GRID2: variants seen among roughly 807,000 people sequenced by gnomAD.
GRID2 encodes glutamate receptor ionotropic, delta-2.
In GRID2, 33 loss-of-function variants were observed where a neutral mutation model predicts 114.8. That is an observed-to-expected ratio of 0.29 (90% CI 0.22 to 0.38). The LOEUF is 0.38. GRID2 is among the 10% of genes least tolerant of loss of function. The probability of loss-of-function intolerance (pLI) is 1.00; values close to 1 mark genes in which losing one functional copy is unlikely to be tolerated. For missense variants in GRID2, 1,184 were observed against 1,257.7 expected (o/e 0.94, Z 0.89); for synonymous variants, 505 against 449.9 (o/e 1.12, Z -1.55).
At chr4:93,632,149 T>TCTCCC in intron 14 of GRID2, among the ~76,000 whole-genome samples, 1 of 152,336 alleles carries the variant, frequency 6.6e-6, no homozygotes, top group South Asian at 2.1e-4. Context: ...GCAAAAATTT[T>TCTCCC]CTCCCATTTT....
chr4:93,404,101 T>G (rs1418032121), intron 9 of GRID2, among the ~76,000 whole-genome samples: 1 of 152,102 alleles, frequency 6.6e-6, no homozygotes, highest in Non-Finnish European at 1.5e-5. Context: ...GAAAGCATGC[T>G]AAGGGAAAGA....
intron 13 of GRID2, among the ~76,000 whole-genome samples, chr4:93,625,840 G>T (rs1182938101): frequency 2.0e-5 from 3 of 152,122 alleles, no homozygotes; most frequent in African/African-American, 7.2e-5. Context: ...GCGTGAACCC[G>T]GGAGGTGGAG....
intron 1 of GRID2, among the ~76,000 whole-genome samples, chr4:92,549,054 T>C (rs887848123): frequency 2.6e-5 from 4 of 151,470 alleles, no homozygotes; most frequent in African/African-American, 9.7e-5. Flanking sequence ...ATGTTACTCT[T>C]ATTTGGGGAA....
chr4:93,163,121 C>A (rs1737843299), intron 4 of GRID2, among the ~76,000 whole-genome samples: 1 of 151,604 alleles, frequency 6.6e-6, no homozygotes, highest in African/African-American at 2.4e-5. Flanking sequence ...TGTGTGTATA[C>A]ATTTGTTGTA....
chr4:93,606,730 C>T (rs1413903486), intron 13 of GRID2, among the ~76,000 whole-genome samples: 6 of 152,026 alleles, frequency 3.9e-5, no homozygotes, highest in East Asian at 1.9e-4. Context: ...TGTCAATGGC[C>T]CTCCTGGCCT....
chr4:92,332,484 C>A (rs914573821), intron 1 of GRID2, among the ~76,000 whole-genome samples: 3 of 152,078 alleles, frequency 2.0e-5, no homozygotes, highest in Non-Finnish European at 4.4e-5. Context: ...GGCGTTCCAC[C>A]CCTGGTCCCC....
At chr4:93,038,821 G>C (rs2149266008) in intron 2 of GRID2, among the ~76,000 whole-genome samples, 1 of 151,726 alleles carries the variant, frequency 6.6e-6, no homozygotes, top group East Asian at 1.9e-4. Flanking sequence ...GGAAACAACA[G>C]ATACTGGAGA....
chr4:93,124,166 T>G (rs1734064128), intron 4 of GRID2, among the ~76,000 whole-genome samples: 1 of 151,464 alleles, frequency 6.6e-6, no homozygotes, highest in South Asian at 2.1e-4. Flanking sequence ...AGTGTTTGTC[T>G]ATTGCTGCTT....
intron 2 of GRID2, among the ~76,000 whole-genome samples, chr4:92,689,621 A>G (rs1428414595): frequency 6.6e-6 from 1 of 152,170 alleles, no homozygotes; most frequent in East Asian, 1.9e-4. Context: ...GAATCCAACT[A>G]ATTCATGATG....
At chr4:92,608,495 A>T (rs915852100) in intron 2 of GRID2, among the ~76,000 whole-genome samples, 10 of 151,866 alleles carry the variant, frequency 6.6e-5, no homozygotes, top group African/African-American at 2.4e-4. Flanking sequence ...TTTTCACATT[A>T]AAGAAAGAGA....
chr4:93,119,635 A>C (rs1733597805), intron 4 of GRID2, among the ~76,000 whole-genome samples: 1 of 152,140 alleles, frequency 6.6e-6, no homozygotes, highest in Non-Finnish European at 1.5e-5. Flanking sequence ...GTATTCCTTA[A>C]ACATACTTTA....
chr4:92,894,929 A>G (rs1560677023), intron 2 of GRID2, among the ~76,000 whole-genome samples: 1 of 152,008 alleles, frequency 6.6e-6, no homozygotes, highest in South Asian at 2.1e-4. Context: ...TAGAATTAAG[A>G]TCAGTAAAGA....
intron 1 of GRID2, among the ~76,000 whole-genome samples, chr4:92,470,419 T>G (rs1721977923): frequency 6.6e-6 from 1 of 152,020 alleles, no homozygotes; most frequent in Admixed American, 6.6e-5. Context: ...ATTCAAAATT[T>G]TAACTTAGAA....
chr4:93,123,173 T>G (rs1487182706), intron 4 of GRID2, among the ~76,000 whole-genome samples: 3 of 152,232 alleles, frequency 2.0e-5, no homozygotes, highest in East Asian at 3.9e-4. Context: ...GTGGACAGTT[T>G]GCTACTAACT....
At position 93,282,082 on chromosome 4, in the gene GRID2, C is replaced by T. The variant is rs4555593; in HGVS notation, c.1245+43592C>T. ...AAAATGAGTTGTATTTATTTCTTTC[C>T]TTTTACTTTTTTGAACGTCACATTA... On this transcript the variant is annotated intron_variant, in intron 8 of 15. Transcript: ENST00000282020. Among the ~76,000 whole-genome samples, 538 of 151,914 alleles carry T rather than the reference C, an allele frequency of 3.5e-3. 4 individuals carry two copies. Among genetic ancestry groups the T allele is most frequent in the African/African-American group, 0.012 (517 of 41,436 alleles).
At chr4:93,317,736 T>C (rs1032278263) in intron 8 of GRID2, among the ~76,000 whole-genome samples, 8 of 151,832 alleles carry the variant, frequency 5.3e-5, no homozygotes, top group African/African-American at 1.9e-4. Context: ...TTATATTTCC[T>C]GTGAGTCATC....
chr4:92,332,962 T>A (rs1726971033), intron 1 of GRID2, among the ~76,000 whole-genome samples: 1 of 152,174 alleles, frequency 6.6e-6, no homozygotes, highest in East Asian at 1.9e-4. Context: ...GGAGTTTTGT[T>A]CCTGCAAGTC....
At chr4:93,197,166 G>A (rs1415100934) in intron 4 of GRID2, among the ~76,000 whole-genome samples, 1 of 152,148 alleles carries the variant, frequency 6.6e-6, no homozygotes, top group East Asian at 1.9e-4. Flanking sequence ...TAAAAGTCTA[G>A]TGTATCCCAC....
intron 2 of GRID2, among the ~76,000 whole-genome samples, chr4:92,948,096 C>G (rs12648623): frequency 0.046 from 6,996 of 151,678 alleles, 272 homozygotes; most frequent in East Asian, 0.19. Flanking sequence ...ATTTATGGCT[C>G]CTAATAATTT....
Sources: allele counts gnomAD v4.1 joint callset (sites outside exome capture counted in the v4.1 genomes callset), GRCh38; gene constraint gnomAD v4.1.1; transcripts MANE v1.5; gene names NCBI Gene and HGNC (gene_info 2026-07-23, HGNC 2026-07-21).